Variants in GRIK4 observed in about 807,000 individuals in gnomAD.
The protein encoded by GRIK4 is glutamate receptor ionotropic, kainate 4.
Under a neutral mutation model 104.9 loss-of-function variants are expected in GRIK4, and 40 were observed. The observed-to-expected ratio is 0.38, with a 90% CI of 0.30 to 0.50. The LOEUF (loss-of-function observed/expected upper bound fraction) is 0.50, where lower values mean the gene tolerates loss of function less well. GRIK4 is among the 20% of genes least tolerant of loss of function. The pLI is 0.93. For synonymous variants in GRIK4, 485 were observed against 524.9 expected (o/e 0.92, Z 1.04); for missense variants, 1,047 against 1,308.1 (o/e 0.80, Z 3.08).
At chr11:120,702,076 C>T (rs1950561703) in intron 3 of GRIK4, among the ~76,000 whole-genome samples, 1 of 151,782 alleles carries the variant, frequency 6.6e-6, no homozygotes, top group Admixed American at 6.6e-5. Context: ...TTGCCTCAGC[C>T]ACCCGAGTAG....
Position 120,802,861 on chromosome 11 carries a change from C to G in GRIK4, c.247+4C>G. ...GAGTACGAGACTGCAGAAACCAGTA[C>G]GTAGACTGGGCAGGGCTGCCTCTTC... On this transcript the variant is annotated splice_donor_region_variant and intron_variant, in intron 4 of 20. Coordinates refer to ENST00000527524, the MANE Select transcript of GRIK4 (RefSeq NM_014619.5). 1 of 1,612,932 alleles carries G rather than the reference C, an allele frequency of 6.2e-7. No homozygotes were observed. Among genetic ancestry groups the G allele is most frequent in the Non-Finnish European group, 8.5e-7 (1 of 1,178,952 alleles).
intron 3 of GRIK4, among the ~76,000 whole-genome samples, chr11:120,721,708 A>G (rs1424804762): frequency 3.3e-5 from 5 of 152,104 alleles, no homozygotes; most frequent in Non-Finnish European, 7.4e-5. Flanking sequence ...GGGAGATTCA[A>G]TAAAGGAAAT....
At chr11:120,715,607 C>A (rs573222604) in intron 3 of GRIK4, among the ~76,000 whole-genome samples, 1 of 152,122 alleles carries the variant, frequency 6.6e-6, no homozygotes, top group Non-Finnish European at 1.5e-5. Flanking sequence ...CATTCGTTTT[C>A]CCCACCAACA....
intron 1 of GRIK4, among the ~76,000 whole-genome samples, chr11:120,615,658 G>T (rs1949102239): frequency 6.6e-6 from 1 of 152,160 alleles, no homozygotes; most frequent in Non-Finnish European, 1.5e-5. Flanking sequence ...CTACCTACTG[G>T]GCTTGGCTGG....
chr11:120,657,404 A>G (rs1208755769), intron 2 of GRIK4, among the ~76,000 whole-genome samples: 2 of 152,370 alleles, frequency 1.3e-5, no homozygotes, highest in South Asian at 2.1e-4. Flanking sequence ...ATTTGCCAAC[A>G]GCGGAGTTGC....
At chr11:120,602,584 G>C (rs1434235989) in intron 1 of GRIK4, among the ~76,000 whole-genome samples, 1 of 152,236 alleles carries the variant, frequency 6.6e-6, no homozygotes, top group Non-Finnish European at 1.5e-5. Context: ...AGTGTTGACA[G>C]AGGAGGCTCT....
intron 3 of GRIK4, among the ~76,000 whole-genome samples, chr11:120,685,421 C>T (rs1229337728): frequency 1.3e-5 from 2 of 152,172 alleles, no homozygotes; most frequent in African/African-American, 2.4e-5. Context: ...TGGGATACCT[C>T]CTGGGTCCGC....
chr11:120,530,776 C>G (rs1001795607), intron 1 of GRIK4, among the ~76,000 whole-genome samples: 1 of 151,970 alleles, frequency 6.6e-6, no homozygotes, highest in African/African-American at 2.4e-5. Context: ...TGTAGGAAGA[C>G]AGAGATGGCC....
intron 3 of GRIK4, among the ~76,000 whole-genome samples, chr11:120,741,599 C>A (rs1265108939): frequency 2.6e-5 from 4 of 152,170 alleles, no homozygotes; most frequent in African/African-American, 4.8e-5. Context: ...CTCTTAACCA[C>A]ACTGTGCAAT....
At chr11:120,925,291 G>A (rs1943318959) in intron 13 of GRIK4, among the ~76,000 whole-genome samples, 1 of 152,196 alleles carries the variant, frequency 6.6e-6, no homozygotes. Context: ...AAAATGAAAG[G>A]AAGACAGCGC....
intron 11 of GRIK4, among the ~76,000 whole-genome samples, chr11:120,877,362 G>A (rs1368516343): frequency 6.6e-6 from 1 of 152,194 alleles, no homozygotes; most frequent in Non-Finnish European, 1.5e-5. Flanking sequence ...CAGAGAGAGT[G>A]CTCATGGTCT....
chr11:120,591,003 G>A (rs1948726179), intron 1 of GRIK4, among the ~76,000 whole-genome samples: 1 of 152,124 alleles, frequency 6.6e-6, no homozygotes, highest in South Asian at 2.1e-4. Flanking sequence ...TTGCCAAGAG[G>A]TGTTATGTTT....
chr11:120,673,956 C>T (rs1448325189), intron 3 of GRIK4, among the ~76,000 whole-genome samples: 3 of 152,182 alleles, frequency 2.0e-5, no homozygotes, highest in Non-Finnish European at 4.4e-5. Context: ...TCTATTGAGC[C>T]TGACTCTATC....
intron 3 of GRIK4, among the ~76,000 whole-genome samples, chr11:120,798,729 G>A (rs947405521): frequency 1.3e-5 from 2 of 152,110 alleles, no homozygotes; most frequent in South Asian, 4.1e-4. Context: ...TGATCCGCCC[G>A]CCTCGGCCTC....
intron 3 of GRIK4, among the ~76,000 whole-genome samples, chr11:120,711,171 T>C (rs1326557383): frequency 6.6e-6 from 1 of 152,120 alleles, no homozygotes; most frequent in Non-Finnish European, 1.5e-5. Context: ...TCGAGAGACA[T>C]CAAATACTAA....
At chr11:120,636,404 T>C (rs116513303) in intron 1 of GRIK4, among the ~76,000 whole-genome samples, 4,238 of 152,288 alleles carry the variant, frequency 0.028, 167 homozygotes, top group African/African-American at 0.089. Context: ...CTGGCAGTGG[T>C]AGATGCTCAA....
chr11:120,741,148 A>G (rs924855335), intron 3 of GRIK4, among the ~76,000 whole-genome samples: 1 of 152,170 alleles, frequency 6.6e-6, no homozygotes, highest in East Asian at 1.9e-4. Flanking sequence ...CCCTGCATGC[A>G]TTAACTCATT....
intron 1 of GRIK4, among the ~76,000 whole-genome samples, chr11:120,580,594 G>T (rs1484920347): frequency 6.7e-6 from 1 of 149,784 alleles, no homozygotes; most frequent in African/African-American, 2.5e-5. Context: ...TTAGAAACAG[G>T]GTTTTGCTCT....
chr11:120,942,982 T>C (rs562052343), intron 14 of GRIK4, among the ~76,000 whole-genome samples: 1 of 152,270 alleles, frequency 6.6e-6, no homozygotes, highest in South Asian at 2.1e-4. Context: ...GTCTATCACA[T>C]AGAAATCCTG....
Sources: gnomAD v4.1 joint callset for allele counts (sites outside exome capture counted in the v4.1 genomes callset) on GRCh38, gnomAD v4.1.1 for gene constraint, MANE v1.5 for transcripts, NCBI Gene and HGNC (gene_info 2026-07-23, HGNC 2026-07-21) for gene names.